AFF2: variants seen among roughly 807,000 people sequenced by gnomAD.
AFF2 encodes the protein ALF transcription elongation factor 2.
Under a neutral mutation model 76.9 loss-of-function variants are expected in AFF2, and 14 were observed. The ratio of observed to expected loss-of-function variants is 0.18; its 90% CI spans 0.12 to 0.28. AFF2 has a LOEUF of 0.28. Among genes scored for constraint, AFF2 ranks in the 10% least tolerant of loss-of-function variants. The pLI is 1.00. For missense variants in AFF2, 868 were observed against 1,001.1 expected (o/e 0.87, Z 1.79); for synonymous variants, 398 against 366.7 (o/e 1.09, Z -0.98).
At chrX:148,844,491 A>T (rs1212039663) in intron 7 of AFF2, among the ~76,000 whole-genome samples, 3 of 112,177 alleles carry the variant, frequency 2.7e-5, no homozygotes, top group Non-Finnish European at 5.6e-5. Context: ...TGTCCAAGAG[A>T]GTATCAAGGG....
At chrX:148,681,629 G>T (rs1324664156) in intron 3 of AFF2, among the ~76,000 whole-genome samples, 1 of 97,848 alleles carries the variant, frequency 1.0e-5, no homozygotes, top group Non-Finnish European at 2.1e-5. Context: ...AAGAAAGAAA[G>T]AAAGAGAAGA....
chrX:148,573,610 A>C (rs1416013700), intron 1 of AFF2, among the ~76,000 whole-genome samples: 2 of 111,155 alleles, frequency 1.8e-5, no homozygotes, highest in Non-Finnish European at 3.8e-5. Flanking sequence ...AGAAAAAAAC[A>C]TGTGGAGGAA....
intron 6 of AFF2, 40 bp downstream of exon 6, chrX:148,843,042 T>C (rs782098288): frequency 3.6e-6 from 4 of 1,096,283 alleles, no homozygotes; most frequent in Non-Finnish European, 5.0e-6. Flanking sequence ...CAAACATCCA[T>C]GTCCTCTGCT....
At position 148,634,386 on chromosome X, in the gene AFF2, C is replaced by T. The variant is rs782583768; in HGVS notation, c.48-17613C>T. On this transcript the variant is annotated intron_variant, in intron 1 of 20. Coordinates refer to ENST00000370460, the MANE Select transcript of AFF2 (RefSeq NM_002025.4). ...GACAAATCTGTCTTTGATTGTTGTG[C>T]CCAAGTAAAACGTAAGAGGGCAACT... is the stretch of plus-strand genomic sequence containing the variant. Among the ~76,000 whole-genome samples, 469 of 111,377 alleles carry T rather than the reference C, an allele frequency of 4.2e-3. 6 individuals are homozygous for T. Among genetic ancestry groups the T allele is most frequent in the African/African-American group, 0.015 (452 of 30,620 alleles).
intron 3 of AFF2, among the ~76,000 whole-genome samples, chrX:148,756,912 G>C (rs896023452): frequency 1.8e-5 from 2 of 112,244 alleles, no homozygotes; most frequent in African/African-American, 6.5e-5. Context: ...CCCTGGTCAG[G>C]GTGGGAGTTC....
chrX:148,837,037 A>C (rs1267185625), intron 4 of AFF2, among the ~76,000 whole-genome samples: 3 of 111,922 alleles, frequency 2.7e-5, no homozygotes, highest in Non-Finnish European at 1.9e-5. Context: ...GGGCTGTATC[A>C]AGAGAAGATG....
At chrX:148,569,359 A>T (rs2053202512) in intron 1 of AFF2, among the ~76,000 whole-genome samples, 1 of 111,635 alleles carries the variant, frequency 9.0e-6, no homozygotes, top group South Asian at 3.7e-4. Flanking sequence ...TTTCGCTTTT[A>T]CCAAGCTTTT....
At chrX:148,816,116 C>G (rs1242350504) in intron 4 of AFF2, among the ~76,000 whole-genome samples, 1 of 111,636 alleles carries the variant, frequency 9.0e-6, no homozygotes, top group Non-Finnish European at 1.9e-5. Context: ...CAACTGTTGT[C>G]TAAGAACCAG....
chrX:148,951,443 G>T (rs2071967432), intron 9 of AFF2, among the ~76,000 whole-genome samples: 1 of 111,578 alleles, frequency 9.0e-6, no homozygotes, highest in Admixed American at 9.5e-5. Context: ...AGGATGACCA[G>T]CTTCGTATTA....
At chrX:148,766,366 G>T (rs2069516804) in intron 3 of AFF2, among the ~76,000 whole-genome samples, 1 of 110,168 alleles carries the variant, frequency 9.1e-6, no homozygotes, top group African/African-American at 3.3e-5. Flanking sequence ...TCCAGCACCT[G>T]TTGTTTCCTG....
intron 8 of AFF2, among the ~76,000 whole-genome samples, chrX:148,895,558 T>TGTGA (rs1281836202): frequency 2.0e-5 from 1 of 48,884 alleles, no homozygotes; most frequent in African/African-American, 4.5e-5. Flanking sequence ...CAGTGTACTC[T>TGTGA]GTGAGTGAGT....
intron 3 of AFF2, among the ~76,000 whole-genome samples, chrX:148,708,597 C>G (rs782242516): frequency 8.9e-6 from 1 of 111,958 alleles, no homozygotes; most frequent in African/African-American, 3.2e-5. Flanking sequence ...AAATGTAGTC[C>G]CAGATACTCG....
chrX:148,576,886 A>G (rs1557243539), intron 1 of AFF2, among the ~76,000 whole-genome samples: 1 of 110,766 alleles, frequency 9.0e-6, no homozygotes, highest in Non-Finnish European at 1.9e-5. Flanking sequence ...GAATTGCTTA[A>G]TTGGTTCTCT....
intron 9 of AFF2, among the ~76,000 whole-genome samples, chrX:148,925,438 T>C (rs2071640174): frequency 8.9e-6 from 1 of 112,604 alleles, no homozygotes; most frequent in South Asian, 3.6e-4. Context: ...TTCCACAGTG[T>C]GTGTTACAGG....
At chrX:148,850,086 G>A (rs1379884538) in intron 7 of AFF2, among the ~76,000 whole-genome samples, 1 of 111,617 alleles carries the variant, frequency 9.0e-6, no homozygotes, top group African/African-American at 3.3e-5. Context: ...GTGTCACCAG[G>A]ACTCTAGAAT....
At position 148,999,403 on chromosome X, in the gene AFF2, C is replaced by G. The variant is rs1557293889; in HGVS notation, c.*8071C>G. On this transcript the variant is annotated 3_prime_UTR_variant, in exon 21 of 21. Coordinates refer to ENST00000370460, the MANE Select transcript of AFF2 (RefSeq NM_002025.4). ...CTGGAAAAAAAAGGACATTTTCATG[C>G]ATATTTTAAACAGAAATTTTGTATA... 1 of 112,481 alleles carries G rather than the reference C, an allele frequency of 8.9e-6. No homozygotes were observed. Among genetic ancestry groups the G allele is most frequent in the African/African-American group, 3.2e-5 (1 of 30,916 alleles). The allele number at this position is 112,481 out of a possible 1,213,427, so 9.3% of individuals were successfully genotyped here.
intron 3 of AFF2, among the ~76,000 whole-genome samples, chrX:148,793,713 G>A (rs1486446509): frequency 8.9e-6 from 1 of 112,019 alleles, no homozygotes; most frequent in Non-Finnish European, 1.9e-5. Flanking sequence ...TTGATCAGAT[G>A]GTTTAAGGTT....
At chrX:148,592,542 TA>T (rs1196740801) in intron 1 of AFF2, among the ~76,000 whole-genome samples, 1 of 110,228 alleles carries the variant, frequency 9.1e-6, no homozygotes, top group East Asian at 2.8e-4. Context: ...TTAAGATAAA[TA>T]TTTTTTATGG....
intron 1 of AFF2, among the ~76,000 whole-genome samples, chrX:148,537,514 A>G (rs2052798725): frequency 1.0e-5 from 1 of 99,379 alleles, no homozygotes; most frequent in Non-Finnish European, 2.0e-5. Context: ...GGAAAGGAGG[A>G]GAAATTTGTT....
Sources: allele counts gnomAD v4.1 joint callset (sites outside exome capture counted in the v4.1 genomes callset), GRCh38; gene constraint gnomAD v4.1.1; transcripts MANE v1.5; gene names NCBI Gene and HGNC (gene_info 2026-07-23, HGNC 2026-07-21).